The following STAB2 variants were observed in gnomAD, a reference collection of about 807,000 sequenced individuals.
STAB2 encodes stabilin-2.
Under a neutral mutation model 338.1 loss-of-function variants are expected in STAB2, and 288 were observed. The ratio of observed to expected loss-of-function variants is 0.85; its 90% CI spans 0.77 to 0.94. The LOEUF (loss-of-function observed/expected upper bound fraction) is 0.94. Ranked by LOEUF, STAB2 falls within the 40% of genes least tolerant of loss-of-function variation. STAB2 has a pLI of 0.00. For synonymous variants in STAB2, 1,202 were observed against 1,193.3 expected, an observed-to-expected ratio of 1.01 and a Z score of -0.15; for missense variants, 3,141 against 3,210.1, an observed-to-expected ratio of 0.98 and a Z score of 0.52.
At chr12:103,748,124 T>G (rs1302892464) in intron 58 of STAB2, among the ~76,000 whole-genome samples, 1 of 152,234 alleles carries the variant, frequency 6.6e-6, no homozygotes, top group Non-Finnish European at 1.5e-5. Flanking sequence ...AGATATATAC[T>G]TTCTTTACAC....
Position 103,631,254 on chromosome 12 carries a change from C to T in STAB2, c.488-344C>T, listed in dbSNP as rs551850731. Among the ~76,000 whole-genome samples the T allele has an allele frequency of 6.3e-4, 96 of 152,180 alleles. 4 individuals carry two copies. Among genetic ancestry groups the T allele is most frequent in the Admixed American group, 8.5e-4 (13 of 15,278 alleles). On this transcript the variant is annotated intron_variant, in intron 5 of 68. Transcript: ENST00000388887. Reference sequence around the variant, plus strand: ...TTAGTAGTAGCTTTTCTCTTTTAAACGTAACAGGTGTATATAAGACACTAA... The same window carrying T: ...TTAGTAGTAGCTTTTCTCTTTTAAATGTAACAGGTGTATATAAGACACTAA...
intron 25 of STAB2, 137 bp from the exon 26 acceptor site, chr12:103,683,067 CA>C: frequency 1.8e-6 from 1 of 540,996 alleles, no homozygotes; most frequent in Non-Finnish European, 3.1e-6. Flanking sequence ...GTGTATCAAG[CA>C]AAAGGCATTA....
chr12:103,755,344 C>G lies in STAB2; in HGVS notation c.6757C>G (p.Arg2253Gly), dbSNP rs374688619. The G allele has an allele frequency of 6.2e-7, 1 of 1,613,974 alleles. No homozygotes were observed. Among genetic ancestry groups the G allele is most frequent in the Non-Finnish European group, 8.5e-7 (1 of 1,180,028 alleles). The change falls in exon 62 of 69, where the codon CGG becomes GGG. Residue 2253 changes from arginine (R) to glycine (G), a missense_variant. Physicochemically the swap from Arg to Gly is moderately radical, Grantham distance 125 (BLOSUM62 -2). Coordinates refer to ENST00000388887, the MANE Select transcript of STAB2 (RefSeq NM_017564.10). The stretch of plus-strand genomic sequence containing the variant: ...CTCAGCAGGCTGGCTGGAGACCGGG[C>G]GGGTTGCCTACCCCACAGCCTTCGC... ...LCSAGWLETG[R>G]VAYPTAFASQ...
In STAB2 at chr12:103,605,250, G is replaced by A. The variant is rs1957010392; in HGVS notation, c.331+10740G>A. ...GTTAAGCTAATACCATGCTTAGAAG[G>A]AAATTTATCATTTAATTCTATTGTG... On this transcript the variant is annotated intron_variant, in intron 3 of 68. Coordinates refer to ENST00000388887, the MANE Select transcript of STAB2 (RefSeq NM_017564.10). 2.0e-5 allele frequency among the ~76,000 whole-genome samples: 3 copies of A among 151,892 alleles called. No individual in the cohort carries two copies. The South Asian group carries it at 6.2e-4, about 31-fold the overall frequency.
rs1444960365 is a variant in STAB2, at chr12:103,750,744, C to T, written c.6580+24C>T. The T allele has an allele frequency of 3.1e-6, 5 of 1,598,588 alleles. No individual in the cohort carries two copies. The South Asian group carries it at 3.3e-5, about 11-fold the overall frequency. ...GGGTTAGTGTGACCAGGGCCTATGG[C>T]CCAAAGCACCCTCCTCTTCAGGCCT... is the stretch of plus-strand genomic sequence containing the variant. On this transcript the variant is annotated intron_variant, in intron 60 of 68. Coordinates refer to ENST00000388887, the MANE Select transcript of STAB2 (RefSeq NM_017564.10).
chr12:103,766,424 T>A lies in STAB2; in HGVS notation c.*88T>A. Reference sequence around the variant, plus strand: ...CAGCACCAGTTGCCTTTTAGGAACGTAAAGTCCTTTAAGCACTCAGAAGCC... The same window carrying A: ...CAGCACCAGTTGCCTTTTAGGAACGAAAAGTCCTTTAAGCACTCAGAAGCC... On this transcript the variant is annotated 3_prime_UTR_variant, in exon 69 of 69. Transcript: ENST00000388887. 1 of 1,452,904 alleles carries A rather than the reference T, an allele frequency of 6.9e-7. No homozygotes were observed. 90.0% of individuals were successfully genotyped at this position (1,452,904 alleles called of 1,614,324 possible).
intron 34 of STAB2, among the ~76,000 whole-genome samples, chr12:103,700,011 G>A (rs1878724378): frequency 1.3e-5 from 2 of 152,188 alleles, no homozygotes; most frequent in Admixed American, 6.5e-5. Context: ...CAGCAGCCAA[G>A]TGTATTAATG....
intron 19 of STAB2, among the ~76,000 whole-genome samples, chr12:103,667,445 C>T (rs1875221756): frequency 6.6e-6 from 1 of 152,176 alleles, no homozygotes; most frequent in Admixed American, 6.6e-5. Context: ...CGTAAACCAC[C>T]TTGTACAAGG....
chr12:103,711,384 A>G, intron 39 of STAB2, 87 bp from the exon 40 acceptor site: 3 of 1,557,748 alleles, frequency 1.9e-6, no homozygotes, highest in Non-Finnish European at 2.6e-6. Flanking sequence ...ACTTCCAAAG[A>G]AGTAGCTTTT....
chr12:103,690,067 A>G (rs1352210832), intron 29 of STAB2, 85 bp downstream of exon 29: 13 of 1,520,658 alleles, frequency 8.5e-6, no homozygotes, highest in Non-Finnish European at 1.2e-5. Context: ...GGAAAACCAC[A>G]TGGTCCTTCA....
At chr12:103,728,812 C>T (rs748366540) in intron 47 of STAB2, 37 bp from the exon 48 acceptor site, 7 of 1,610,530 alleles carry the variant, frequency 4.3e-6, no homozygotes, top group East Asian at 2.2e-5. Context: ...CAAAAGACTC[C>T]TGCCTCTGGC....
intron 3 of STAB2, among the ~76,000 whole-genome samples, chr12:103,603,588 A>G (rs928465171): frequency 1.8e-4 from 28 of 152,200 alleles, no homozygotes; most frequent in African/African-American, 6.8e-4. Flanking sequence ...CTATCCTTCC[A>G]TGAATACCAC....
At chr12:103,725,125 C>T (rs143107229) in intron 45 of STAB2, 31 bp downstream of exon 45, 17 of 1,592,810 alleles carry the variant, frequency 1.1e-5, no homozygotes, top group East Asian at 2.3e-5. Context: ...ATCAAGTAAA[C>T]TCTACTTCCC....
At chr12:103,648,940 T>C (rs1035933917) in intron 10 of STAB2, 117 bp downstream of exon 10, 1 of 1,419,444 alleles carries the variant, frequency 7.0e-7, no homozygotes, top group Non-Finnish European at 9.5e-7. Context: ...ATCAGCCTTT[T>C]TGGAGGGGTC....
chr12:103,699,222 G>T lies in STAB2; in HGVS notation c.3709G>T (p.Asp1237Tyr). 1.2e-6 allele frequency: 2 copies of T among 1,611,230 alleles called. No individual in the cohort carries two copies. The highest frequency in any genetic ancestry group is 2.2e-5 in the South Asian group (2 of 90,910). ...SYFLSFFLHN[D>Y]QLYVNEAPIN... The stretch of plus-strand genomic sequence containing the variant: ...TTTCCTTAGCTTCTTTCTCCATAAT[G>T]ACCAGGTACGATCCTTTTATGTAAA... The change falls in exon 34 of 69, where the codon GAC becomes TAC. Residue 1237 changes from aspartate (D) to tyrosine (Y), a missense_variant. Asp to Tyr is a radical substitution (Grantham distance 160, BLOSUM62 -3). Coordinates refer to ENST00000388887, the MANE Select transcript of STAB2 (RefSeq NM_017564.10).
rs766002555 is a variant in STAB2, at chr12:103,733,179, C to G, written c.5457C>G (p.Ala1819=). The change falls in exon 51 of 69, where the codon GCC becomes GCG. Residue 1819 remains alanine, a synonymous_variant. Transcript: ENST00000388887. The part of the protein sequence containing the change: ...EYLKFHVIRD[A]KVLAVDLPTS... ...TGAAGTTTCATGTGATACGAGATGC[C>G]AAGGTATTTAGTTTACATGCAGACA... The G allele has an allele frequency of 1.9e-5, 31 of 1,613,662 alleles. No individual in the cohort carries two copies. The highest frequency in any genetic ancestry group is 2.5e-5 in the Non-Finnish European group (30 of 1,179,846).
chr12:103,623,986 CA>C (rs1957342999), intron 5 of STAB2, among the ~76,000 whole-genome samples: 2 of 152,140 alleles, frequency 1.3e-5, no homozygotes, highest in African/African-American at 2.4e-5. Context: ...CCACGTCTCC[CA>C]AAAAGGAATA....
chr12:103,588,945 G>GT (rs923364959), intron 1 of STAB2, among the ~76,000 whole-genome samples: 22 of 152,122 alleles, frequency 1.4e-4, no homozygotes, highest in Non-Finnish European at 2.9e-5. Context: ...AGAAATTTCA[G>GT]TTTTCTATAC....
chr12:103,612,723 T>C (rs1428258444), intron 3 of STAB2, among the ~76,000 whole-genome samples: 1 of 152,230 alleles, frequency 6.6e-6, no homozygotes, highest in Non-Finnish European at 1.5e-5. Context: ...GTTCCATTGC[T>C]GGTGAGGAGC....
Sources: gnomAD v4.1 joint callset for allele counts (sites outside exome capture counted in the v4.1 genomes callset) on GRCh38, gnomAD v4.1.1 for gene constraint, MANE v1.5 for transcripts, NCBI Gene and HGNC (gene_info 2026-07-23, HGNC 2026-07-21) for gene names.